The following ABLIM3 variants were observed in gnomAD, a reference collection of about 807,000 sequenced individuals.
The protein encoded by ABLIM3 is actin binding LIM protein family member 3, also known as actin-binding LIM protein 3.
ABLIM3 carries 61 observed loss-of-function variants against 109.5 expected under a neutral mutation model. The observed-to-expected ratio is 0.56, with a 90% CI of 0.45 to 0.69. ABLIM3 has a LOEUF of 0.69. Among genes scored for constraint, ABLIM3 ranks in the 30% least tolerant of loss-of-function variants. ABLIM3 has a pLI of 0.00. For synonymous variants in ABLIM3, 300 were observed against 324.8 expected (o/e 0.92, Z 0.82); for missense variants, 796 against 889.5 (o/e 0.89, Z 1.34).
chr5:149,152,644 CT>C (rs1329159557), intron 2 of ABLIM3, among the ~76,000 whole-genome samples: 1 of 152,138 alleles, frequency 6.6e-6, no homozygotes, highest in Non-Finnish European at 1.5e-5. Context: ...GATCCCAGAT[CT>C]GGGTACCTTT....
chr5:149,239,059 G>T (rs374581603), intron 11 of ABLIM3, among the ~76,000 whole-genome samples, 189 bp from the exon 12 acceptor site: 1 of 152,144 alleles, frequency 6.6e-6, no homozygotes, highest in East Asian at 1.9e-4. Flanking sequence ...TAATCTCGAG[G>T]TTTCCTGCCT....
intron 2 of ABLIM3, among the ~76,000 whole-genome samples, chr5:149,160,115 A>G (rs1754205077): frequency 6.6e-6 from 1 of 152,200 alleles, no homozygotes; most frequent in Admixed American, 6.5e-5. Flanking sequence ...TTAGCAAACA[A>G]GACTGTTTTA....
At chr5:149,196,427 A>C (rs1257058847) in intron 3 of ABLIM3, among the ~76,000 whole-genome samples, 1 of 152,248 alleles carries the variant, frequency 6.6e-6, no homozygotes, top group Admixed American at 6.5e-5. Flanking sequence ...ATCACCCTTG[A>C]GAAAGCTGAC....
chr5:149,250,689 C>T (rs560598884), intron 20 of ABLIM3, among the ~76,000 whole-genome samples, 184 bp downstream of exon 20: 2 of 152,202 alleles, frequency 1.3e-5, no homozygotes, highest in Admixed American at 6.5e-5. Flanking sequence ...AAGGGGCCCC[C>T]ATGGGAGGGG....
intron 14 of ABLIM3, 88 bp downstream of exon 14, chr5:149,240,862 G>T (rs1752751596): frequency 1.6e-6 from 2 of 1,249,028 alleles, no homozygotes; most frequent in South Asian, 2.4e-5. Context: ...TGCCACACAG[G>T]CACCAAGAAG....
intron 5 of ABLIM3, among the ~76,000 whole-genome samples, chr5:149,203,349 T>C (rs1369448305): frequency 6.6e-6 from 1 of 151,908 alleles, no homozygotes; most frequent in Non-Finnish European, 1.5e-5. Flanking sequence ...TTGCTAACAC[T>C]GATTGACTGT....
chr5:149,241,038 C>G (rs374535406), intron 14 of ABLIM3, among the ~76,000 whole-genome samples: 1 of 152,184 alleles, frequency 6.6e-6, no homozygotes, highest in East Asian at 1.9e-4. Flanking sequence ...AGTGAGATAC[C>G]GTGAGTGCTT....
intron 20 of ABLIM3, 148 bp from the exon 21 acceptor site, chr5:149,251,211 G>T: frequency 1.4e-6 from 1 of 739,642 alleles, no homozygotes; most frequent in South Asian, 1.7e-5. Context: ...ATATAGCAGC[G>T]AGTTAAGTTT....
chr5:149,192,834 A>G (rs1757623485), intron 3 of ABLIM3, among the ~76,000 whole-genome samples: 1 of 145,278 alleles, frequency 6.9e-6, no homozygotes, highest in Admixed American at 6.7e-5. Flanking sequence ...AAAGAAAAAA[A>G]TAATCAGACC....
chr5:149,210,819 G>T lies in ABLIM3; in HGVS notation c.669G>T (p.Glu223Asp). The change falls in exon 7 of 24, where the codon GAG becomes GAT. Residue 223 changes from glutamate (E) to aspartate (D), a missense_variant and splice_region_variant. Transcript: ENST00000309868. ...GATACATCAGTGGCAGAGTCTTGGA[G>T]GTGAGTGGGTATAAGTAACCGTGAA... is the stretch of plus-strand genomic sequence containing the variant. ...CDRYISGRVL[E>D]AGGKHYHPTC... is the part of the protein sequence containing the mutation. The T allele has an allele frequency of 6.2e-7, 1 of 1,613,918 alleles. No individual in the cohort carries two copies. Among genetic ancestry groups the T allele is most frequent in the Non-Finnish European group, 8.5e-7 (1 of 1,179,796 alleles).
At chr5:149,235,887 G>T (rs553943040) in intron 10 of ABLIM3, among the ~76,000 whole-genome samples, 1 of 152,226 alleles carries the variant, frequency 6.6e-6, no homozygotes, top group Admixed American at 6.5e-5. Flanking sequence ...AGGTATTCAG[G>T]GACTACAGCA....
chr5:149,245,553 TG>T (rs1466755923), intron 16 of ABLIM3, among the ~76,000 whole-genome samples: 1 of 152,212 alleles, frequency 6.6e-6, no homozygotes, highest in Non-Finnish European at 1.5e-5. Flanking sequence ...GTAAGGATTT[TG>T]GTTGTTATCC....
At position 149,252,794 on chromosome 5, in the gene ABLIM3, G is replaced by A. The variant is rs1754060653; in HGVS notation, c.1895G>A (p.Gly632Glu). The A allele has an allele frequency of 1.9e-6, 3 of 1,613,438 alleles. No homozygotes were observed. Among genetic ancestry groups the A allele is most frequent in the Non-Finnish European group, 2.5e-6 (3 of 1,179,532 alleles). Residue 632 changes from glycine (G) to glutamate (E), a missense_variant, in exon 23 of 24, where the codon GGA becomes GAA. Coordinates refer to ENST00000309868, the MANE Select transcript of ABLIM3 (RefSeq NM_014945.5). ...PYELLLVTTR[G>E]RNRLPKDVDR... ...GAACTGCTGCTGGTGACTACAAGAG[G>A]AAGAAACCGACTGCCCAAGGATGTA...
intron 2 of ABLIM3, among the ~76,000 whole-genome samples, chr5:149,144,380 C>T (rs1470751874): frequency 1.3e-5 from 2 of 152,150 alleles, no homozygotes; most frequent in Non-Finnish European, 2.9e-5. Flanking sequence ...CATCAGACCT[C>T]ACAAGAAAAG....
At position 149,146,413 on chromosome 5, in the gene ABLIM3, TC is replaced by T. The variant is rs1437660618; in HGVS notation, c.13+4307del. ...CAAAGCCAATATCCAGAATGGTGTT[TC>T]CTAGGTTTTCTTCTAGAATTCTTAT... On this transcript the variant is annotated intron_variant, in intron 2 of 23. Coordinates refer to ENST00000309868, the MANE Select transcript of ABLIM3 (RefSeq NM_014945.5). 2.0e-5 allele frequency among the ~76,000 whole-genome samples: 3 copies of T among 152,336 alleles called. No individual in the cohort carries two copies. The East Asian group carries it at 5.8e-4, about 29-fold the overall frequency.
rs35640710 is a variant in ABLIM3 at position 149,157,265 on chromosome 5, C to T, written c.13+15157C>T. Among the ~76,000 whole-genome samples the T allele has an allele frequency of 2.3e-3, 356 of 152,268 alleles. 1 individual carries two copies. Among genetic ancestry groups the T allele is most frequent in the Non-Finnish European group, 4.3e-3 (295 of 68,020 alleles). ...CAGAGGCAGAGAATGATACTCAGAC[C>T]AGAGACTTTCACATTTGGGAAGGAA... On this transcript the variant is annotated intron_variant, in intron 2 of 23. Transcript: ENST00000309868.
At chr5:149,192,011 G>A (rs960970933) in intron 3 of ABLIM3, among the ~76,000 whole-genome samples, 4 of 152,000 alleles carry the variant, frequency 2.6e-5, no homozygotes, top group African/African-American at 9.7e-5. Context: ...AAAACTAGGA[G>A]GAATTGAAGA....
At chr5:149,171,635 G>A (rs1755444089) in intron 2 of ABLIM3, among the ~76,000 whole-genome samples, 1 of 152,196 alleles carries the variant, frequency 6.6e-6, no homozygotes, top group South Asian at 2.1e-4. Flanking sequence ...TTCTGTGAAG[G>A]TTAAGGTTAG....
rs367668181 is a variant in ABLIM3, at chr5:149,216,331, T to G, written c.670-628T>G. Among the ~76,000 whole-genome samples, 5 of 152,340 alleles carry G rather than the reference T, an allele frequency of 3.3e-5. No homozygotes were observed. In the East Asian group the frequency reaches 7.7e-4, roughly 24 times the overall value. On this transcript the variant is annotated intron_variant, in intron 7 of 23. Transcript: ENST00000309868. ...AGGAAAGCAGTATCACTTGCCATATTGCATGTAACCTGAAAATAAATAGAG... is the reference window on the plus strand; with the variant it reads ...AGGAAAGCAGTATCACTTGCCATATGGCATGTAACCTGAAAATAAATAGAG...
Sources: gnomAD v4.1 joint callset for allele counts (sites outside exome capture counted in the v4.1 genomes callset) on GRCh38, gnomAD v4.1.1 for gene constraint, MANE v1.5 for transcripts, NCBI Gene and HGNC (gene_info 2026-07-23, HGNC 2026-07-21) for gene names.